Variants in CFAP74 observed in about 807,000 individuals in gnomAD.
CFAP74 encodes cilia- and flagella-associated protein 74.
Under a neutral mutation model 188.9 loss-of-function variants are expected in CFAP74, and 124 were observed. The observed-to-expected ratio is 0.66, with a 90% CI of 0.57 to 0.76. The LOEUF is 0.76. Ranked by LOEUF, CFAP74 falls within the 30% of genes least tolerant of loss-of-function variation. The pLI is 0.00. For synonymous variants in CFAP74, 956 were observed against 916.7 expected (o/e 1.04, Z -0.77); for missense variants, 2,198 against 2,165.2 (o/e 1.02, Z -0.30).
chr1:1,941,671 C>T (rs1215539469), intron 22 of CFAP74, among the ~76,000 whole-genome samples: 1 of 152,192 alleles, frequency 6.6e-6, no homozygotes, highest in African/African-American at 2.4e-5. Context: ...GAGCCTTATC[C>T]TGGGCCACCT....
intron 6 of CFAP74, among the ~76,000 whole-genome samples, chr1:1,976,598 A>G (rs1656460962): frequency 6.6e-6 from 1 of 152,164 alleles, no homozygotes; most frequent in South Asian, 2.1e-4. Flanking sequence ...TCTGGAGTGC[A>G]GCGGCATGAT....
chr1:1,969,711 C>G (rs1396881789), intron 10 of CFAP74, among the ~76,000 whole-genome samples: 2 of 152,240 alleles, frequency 1.3e-5, no homozygotes, highest in Non-Finnish European at 2.9e-5. Flanking sequence ...GACCCCCCCG[C>G]CCAGGTGGGC....
At chr1:1,991,249 G>A (rs900569607) in intron 1 of CFAP74, among the ~76,000 whole-genome samples, 11 of 152,172 alleles carry the variant, frequency 7.2e-5, no homozygotes, top group African/African-American at 2.7e-4. Flanking sequence ...GCCGAGGCAG[G>A]TGGATCACCT....
At chr1:1,931,362 G>A (rs542903263) in intron 25 of CFAP74, among the ~76,000 whole-genome samples, 4 of 149,890 alleles carry the variant, frequency 2.7e-5, no homozygotes, top group Admixed American at 6.7e-5. Context: ...TCCTGGAGAC[G>A]GAGCTTGCAG....
chr1:1,973,808 G>A lies in CFAP74; in HGVS notation c.674+217C>T, dbSNP rs996713487. 6.6e-6 allele frequency among the ~76,000 whole-genome samples: 1 copy of A among 152,010 alleles called. No individual in the cohort carries two copies. The highest frequency in any genetic ancestry group is 2.4e-5 in the African/African-American group (1 of 41,382). ...GTATGGTGGCTGCGGCATCTTGGGA[G>A]GGCTGGGGCTCTGGGCAGGTGCAGG... On this transcript the variant is annotated intron_variant, in intron 7 of 38. Coordinates refer to ENST00000682832, the MANE Select transcript of CFAP74 (RefSeq NM_001304360.2). This position sits in a 1 kb window ranked among gnomAD's most constrained non-coding sequence, Gnocchi z 6.2.
At chr1:1,972,228 G>A (rs1329213046) in intron 8 of CFAP74, 146 bp from the exon 9 acceptor site, 3 of 656,902 alleles carry the variant, frequency 4.6e-6, no homozygotes, top group East Asian at 2.7e-5. Flanking sequence ...TCACAGGCAT[G>A]CACCACCACA....
At chr1:1,955,955 T>C (rs1654592863) in intron 17 of CFAP74, 105 bp from the exon 18 acceptor site, 8 of 1,462,588 alleles carry the variant, frequency 5.5e-6, no homozygotes, top group Non-Finnish European at 7.2e-6. Flanking sequence ...GGCTGGACCC[T>C]GGCTCCAGCG....
chr1:1,986,624 G>A (rs112142538), intron 5 of CFAP74, among the ~76,000 whole-genome samples: 6 of 152,178 alleles, frequency 3.9e-5, no homozygotes, highest in African/African-American at 1.2e-4. Context: ...AGTGTGGGAC[G>A]CATGCAGGCC....
At chr1:1,976,238 G>C (rs531284502) in intron 6 of CFAP74, among the ~76,000 whole-genome samples, 16 of 152,220 alleles carry the variant, frequency 1.1e-4, no homozygotes, top group Non-Finnish European at 1.5e-4. Flanking sequence ...CGCAGGTCTC[G>C]TGTTGAACCG....
chr1:1,937,273 T>G (rs2748970), intron 25 of CFAP74, among the ~76,000 whole-genome samples: 1 of 152,098 alleles, frequency 6.6e-6, no homozygotes, highest in African/African-American at 2.4e-5. Context: ...GGTCTGGCTG[T>G]CTGACTAGCC....
Position 1,944,333 on chromosome 1 carries a change from C to T in CFAP74, c.2484G>A (p.Thr828=), listed in dbSNP as rs1297459981. 6.5e-6 allele frequency: 10 copies of T among 1,535,076 alleles called. No individual in the cohort carries two copies. Among genetic ancestry groups the T allele is most frequent in the South Asian group, 3.6e-5 (3 of 84,020 alleles). Residue 828 remains threonine, a splice_region_variant and synonymous_variant, in exon 21 of 39, where the codon ACG becomes ACA. Transcript: ENST00000682832. The stretch of plus-strand genomic sequence containing the variant: ...TGCATGGACAGGAGGGGGCTCACCG[C>T]GTGTGCACGAGCACAGAGTCCTGGT... The part of the protein sequence containing the change: ...RLYQDSVLVH[T]RSKAALRLKF...
chr1:1,922,535 A>G, intron 38 of CFAP74, 54 bp downstream of exon 38: 1 of 1,596,382 alleles, frequency 6.3e-7, no homozygotes, highest in Non-Finnish European at 8.5e-7. Flanking sequence ...GTGTCAGCCC[A>G]CCCAGCCTTT....
chr1:1,971,341 G>A (rs372803055), intron 9 of CFAP74, among the ~76,000 whole-genome samples: 116 of 138,586 alleles, frequency 8.4e-4, no homozygotes, highest in African/African-American at 2.7e-3. Flanking sequence ...CTGCACACAC[G>A]TGCACACACA....
intron 25 of CFAP74, among the ~76,000 whole-genome samples, chr1:1,933,570 G>A (rs961094247): frequency 6.6e-6 from 1 of 152,198 alleles, no homozygotes; most frequent in African/African-American, 2.4e-5. Flanking sequence ...GTTCCCTGGT[G>A]TAAAGATGTT....
chr1:1,938,176 C>T (rs1423834997), intron 25 of CFAP74, among the ~76,000 whole-genome samples: 1 of 151,054 alleles, frequency 6.6e-6, no homozygotes, highest in East Asian at 1.9e-4. Context: ...TACACACCCA[C>T]ATACAAGCAC....
rs372162259 is a variant in CFAP74 at position 1,973,156 on chromosome 1, G to C, written c.675-109C>G. ...TCCCAGAGACGCCGTGGGCCCTTTC[G>C]CTCAGCTCTGTCCCGCACAGCCTCC... On this transcript the variant is annotated intron_variant, in intron 7 of 38. Transcript: ENST00000682832. The surrounding 1 kb of genome is among the most constrained non-coding windows in gnomAD (Gnocchi z 6.2). 1.3e-6 allele frequency: 1 copy of C among 748,728 alleles called. No homozygotes were observed. The highest frequency in any genetic ancestry group is 2.2e-6 in the Non-Finnish European group (1 of 448,640). 46.4% of individuals were successfully genotyped at this position (748,728 alleles called of 1,614,324 possible).
chr1:1,923,984 C>T lies in CFAP74; in HGVS notation c.4235-55G>A, dbSNP rs1417510597. The T allele has an allele frequency of 5.8e-6, 9 of 1,557,134 alleles. No individual in the cohort carries two copies. Among genetic ancestry groups the T allele is most frequent in the Non-Finnish European group, 7.8e-6 (9 of 1,147,732 alleles). ...TTCTCCACCTGCAATCACTGTCTGC[C>T]CTCCAAGCCTTGCTGCATAGAGCTC... On this transcript the variant is annotated intron_variant, in intron 34 of 38. Coordinates refer to ENST00000682832, the MANE Select transcript of CFAP74 (RefSeq NM_001304360.2). This position sits in a 1 kb window ranked among gnomAD's most constrained non-coding sequence, Gnocchi z 6.3.
chr1:1,960,169 C>T, intron 14 of CFAP74, 139 bp from the exon 15 acceptor site: 1 of 704,178 alleles, frequency 1.4e-6, no homozygotes, highest in Non-Finnish European at 2.4e-6. Flanking sequence ...GCCGCCTTCA[C>T]CCCGGGGAGT....
At chr1:1,948,503 T>C (rs1317688804) in intron 18 of CFAP74, among the ~76,000 whole-genome samples, 1 of 151,092 alleles carries the variant, frequency 6.6e-6, no homozygotes, top group Non-Finnish European at 1.5e-5. Context: ...TAAGCGATCC[T>C]CCTGCGTTGG....
Sources: gnomAD v4.1 joint callset for allele counts (sites outside exome capture counted in the v4.1 genomes callset) on GRCh38, gnomAD v4.1.1 for gene constraint, Gnocchi (gnomAD v3.1) non-coding constraint, MANE v1.5 for transcripts, NCBI Gene and HGNC (gene_info 2026-07-23, HGNC 2026-07-21) for gene names.